SPIDR: variants seen among roughly 807,000 people sequenced by gnomAD.
SPIDR encodes DNA repair-scaffolding protein.
Under a neutral mutation model 104.6 loss-of-function variants are expected in SPIDR, and 93 were observed. The ratio of observed to expected loss-of-function variants is 0.89; its 90% CI spans 0.75 to 1.06. The LOEUF (loss-of-function observed/expected upper bound fraction) is 1.06, where lower values mean the gene tolerates loss of function less well. Among genes scored for constraint, SPIDR ranks in the 50% least tolerant of loss-of-function variants. The pLI, the probability that SPIDR is intolerant of heterozygous loss-of-function variation, is 0.00. For missense variants in SPIDR, 1,154 were observed against 1,111.2 expected (o/e 1.04, Z -0.55); for synonymous variants, 431 against 416.9 (o/e 1.03, Z -0.41).
At chr8:47,353,062 A>AAG (rs2154282422) in intron 5 of SPIDR, among the ~76,000 whole-genome samples, 1 of 151,916 alleles carries the variant, frequency 6.6e-6, no homozygotes, top group East Asian at 1.9e-4. Context: ...CAAAAAAAAA[A>AAG]AAAAAAAAAA....
At chr8:47,713,718 C>T (rs2082184165) in intron 16 of SPIDR, 77 bp downstream of exon 16, 1 of 1,561,018 alleles carries the variant, frequency 6.4e-7, no homozygotes, top group East Asian at 2.3e-5. Flanking sequence ...CTCATTTATT[C>T]AACAAGTATT....
intron 7 of SPIDR, among the ~76,000 whole-genome samples, chr8:47,427,753 G>A (rs782233965): frequency 3.9e-5 from 6 of 152,036 alleles, no homozygotes; most frequent in Non-Finnish European, 8.8e-5. Context: ...GGGTTTCCTC[G>A]GTCTTGTCGC....
At chr8:47,681,572 C>T (rs138890365) in intron 11 of SPIDR, among the ~76,000 whole-genome samples, 25 of 152,188 alleles carry the variant, frequency 1.6e-4, no homozygotes, top group South Asian at 1.0e-3. Flanking sequence ...TAATAGAGAT[C>T]GTGACTTATT....
intron 10 of SPIDR, among the ~76,000 whole-genome samples, 167 bp downstream of exon 10, chr8:47,599,363 G>A (rs779852644): frequency 1.3e-5 from 2 of 152,104 alleles, no homozygotes; most frequent in East Asian, 1.9e-4. Context: ...GCATGATGAA[G>A]GATTTTATCT....
intron 7 of SPIDR, among the ~76,000 whole-genome samples, chr8:47,427,076 C>T (rs2066527972): frequency 6.6e-6 from 1 of 152,024 alleles, no homozygotes; most frequent in Non-Finnish European, 1.5e-5. Context: ...TGTATTTATA[C>T]AATTTCAAGA....
chr8:47,370,570 C>T (rs1360435452), intron 5 of SPIDR, among the ~76,000 whole-genome samples: 2 of 151,410 alleles, frequency 1.3e-5, no homozygotes, highest in African/African-American at 4.9e-5. Flanking sequence ...CCTCAGCCTC[C>T]CGAGCATCAG....
At chr8:47,717,692 G>A (rs2082767215) in intron 16 of SPIDR, among the ~76,000 whole-genome samples, 1 of 152,212 alleles carries the variant, frequency 6.6e-6, no homozygotes, top group Admixed American at 6.5e-5. Flanking sequence ...TGGGAACACT[G>A]ATGAGGCTCA....
intron 8 of SPIDR, among the ~76,000 whole-genome samples, chr8:47,550,365 C>T (rs2090243148): frequency 1.3e-5 from 2 of 152,258 alleles, no homozygotes; most frequent in East Asian, 3.9e-4. Context: ...GCAGTATGGC[C>T]ATTTTCACGA....
chr8:47,519,220 C>T (rs2083636040), intron 8 of SPIDR, among the ~76,000 whole-genome samples: 1 of 152,164 alleles, frequency 6.6e-6, no homozygotes, highest in Non-Finnish European at 1.5e-5. Context: ...TCTCAGCTCA[C>T]TGTAACCTCT....
chr8:47,732,119 C>G, intron 19 of SPIDR: 1 of 702,510 alleles, frequency 1.4e-6, no homozygotes. Flanking sequence ...CAATCCCCAC[C>G]CCTCTTTAGA....
chr8:47,684,218 A>G (rs779428944), intron 11 of SPIDR, among the ~76,000 whole-genome samples: 1 of 152,132 alleles, frequency 6.6e-6, no homozygotes, highest in African/African-American at 2.4e-5. Flanking sequence ...CTATAAAAAC[A>G]AATTTTTTAG....
intron 8 of SPIDR, among the ~76,000 whole-genome samples, chr8:47,454,291 G>A (rs1343836565): frequency 6.6e-6 from 1 of 152,148 alleles, no homozygotes; most frequent in East Asian, 1.9e-4. Context: ...GGAATACCAT[G>A]CAGCCATAAA....
rs5891256 is a variant in SPIDR at position 47,709,887 on chromosome 8, A to ATTTTT, written c.1978-2764_1978-2760dup. Reference sequence around the variant, plus strand: ...TTTGCCCTTCCTGAAATATTCACCAATTTTTTTTTTTTTTTGAGATGCTCT... The same window carrying ATTTTT: ...TTTGCCCTTCCTGAAATATTCACCAATTTTTTTTTTTTTTTTTTTTGAGATGCTCT... On this transcript the variant is annotated intron_variant, in intron 14 of 19. Coordinates refer to ENST00000297423, the MANE Select transcript of SPIDR (RefSeq NM_001080394.4). 1.5e-4 allele frequency among the ~76,000 whole-genome samples: 21 copies of ATTTTT among 143,196 alleles called. 1 individual carries two copies. Among genetic ancestry groups the ATTTTT allele is most frequent in the African/African-American group, 4.9e-4 (19 of 38,410 alleles). 93.9% of individuals were successfully genotyped at this position (143,196 alleles called of 152,430 possible). A position where few individuals can be genotyped will look rare whatever the true frequency, so the allele number is the denominator to read the frequency against.
chr8:47,414,769 T>TA (rs2063995570), intron 7 of SPIDR, among the ~76,000 whole-genome samples: 1 of 152,196 alleles, frequency 6.6e-6, no homozygotes, highest in African/African-American at 2.4e-5. Flanking sequence ...TCATTACAAA[T>TA]AAAACGTGCT....
chr8:47,419,329 T>C (rs2064981368), intron 7 of SPIDR: 1 of 152,234 alleles, frequency 6.6e-6, no homozygotes, highest in Non-Finnish European at 1.5e-5. Flanking sequence ...ATTCAACTTC[T>C]TCCTGGTTTA....
chr8:47,575,785 C>G (rs2059036350), intron 8 of SPIDR, among the ~76,000 whole-genome samples: 1 of 151,546 alleles, frequency 6.6e-6, no homozygotes. Flanking sequence ...CATGGTGAAA[C>G]CCCGTCTCTA....
intron 8 of SPIDR, among the ~76,000 whole-genome samples, chr8:47,588,958 A>G (rs1164739094): frequency 5.8e-5 from 8 of 136,966 alleles, no homozygotes; most frequent in Admixed American, 1.5e-4. Flanking sequence ...GCTAAATTCT[A>G]TTTGCTAACA....
intron 2 of SPIDR, among the ~76,000 whole-genome samples, chr8:47,281,855 A>C (rs1448228932): frequency 6.6e-6 from 1 of 152,220 alleles, no homozygotes; most frequent in Non-Finnish European, 1.5e-5. Flanking sequence ...CTTTGCCCAG[A>C]TCCATCAGAG....
intron 5 of SPIDR, among the ~76,000 whole-genome samples, chr8:47,296,743 C>T (rs2040911145): frequency 6.6e-6 from 1 of 151,972 alleles, no homozygotes; most frequent in Admixed American, 6.6e-5. Context: ...TTTTGTGGTT[C>T]CATATGAGTT....
Sources: allele counts gnomAD v4.1 joint callset (sites outside exome capture counted in the v4.1 genomes callset), GRCh38; gene constraint gnomAD v4.1.1; transcripts MANE v1.5; gene names NCBI Gene and HGNC (gene_info 2026-07-23, HGNC 2026-07-21).